TRHDE: variants seen among roughly 807,000 people sequenced by gnomAD.
TRHDE encodes the protein thyrotropin releasing hormone degrading enzyme.
In TRHDE, 72 loss-of-function variants were observed where a neutral mutation model predicts 125.7. The ratio of observed to expected loss-of-function variants is 0.57; its 90% confidence interval spans 0.47 to 0.70. TRHDE has a LOEUF of 0.70. Ranked by LOEUF, TRHDE falls within the 30% of genes least tolerant of loss-of-function variation. The pLI is 0.00. For missense variants in TRHDE, 1,110 were observed against 1,327.1 expected (o/e 0.84, Z 2.54); for synonymous variants, 509 against 509.1 (o/e 1.00, Z 0.00).
At chr12:72,491,271 G>T (rs920179876) in intron 5 of TRHDE, among the ~76,000 whole-genome samples, 3 of 151,800 alleles carry the variant, frequency 2.0e-5, no homozygotes, top group Non-Finnish European at 2.9e-5. Context: ...TTTGGGCCGC[G>T]AGAATCAGAA....
chr12:72,200,405 A>T (rs1877534760), intron 2 of TRHDE, among the ~76,000 whole-genome samples: 1 of 152,248 alleles, frequency 6.6e-6, no homozygotes, highest in South Asian at 2.1e-4. Context: ...TTAGTAAGTC[A>T]TCCAAAAGAT....
chr12:72,090,937 C>A (rs1251459339), intron 1 of TRHDE, among the ~76,000 whole-genome samples: 2 of 152,018 alleles, frequency 1.3e-5, no homozygotes, highest in Non-Finnish European at 2.9e-5. Flanking sequence ...GTGGCACAAT[C>A]ATAGCTCACT....
chr12:72,240,305 T>TTATATATATA lies in TRHDE; in HGVS notation n.279+134567_279+134576dup, dbSNP rs56969276. 1.8e-3 allele frequency among the ~76,000 whole-genome samples: 201 copies of TTATATATATA among 111,334 alleles called. 1 individual carries two copies. Among genetic ancestry groups the TTATATATATA allele is most frequent in the Admixed American group, 4.7e-3 (51 of 10,742 alleles). The allele number at this position is 111,334 out of a possible 152,430, so 73.0% of individuals were successfully genotyped here. On this transcript the variant is annotated intron_variant and non_coding_transcript_variant, in intron 2 of 4. Coordinates refer to the TRHDE transcript ENST00000548156. ...TTTCAGGGTATGTCCTTCTCACATT[T>TTATATATATA]TATATATATATATATATATATATTT... is the stretch of plus-strand genomic sequence containing the variant.
chr12:72,625,811 T>C (rs762614710), intron 15 of TRHDE, among the ~76,000 whole-genome samples: 5 of 151,930 alleles, frequency 3.3e-5, no homozygotes, highest in Non-Finnish European at 7.4e-5. Context: ...CTGTTGTATG[T>C]GGTTCTGTGG....
intron 6 of TRHDE, among the ~76,000 whole-genome samples, chr12:72,531,343 ATAAT>A (rs768415671): frequency 2.0e-5 from 3 of 152,090 alleles, no homozygotes; most frequent in Admixed American, 6.5e-5. Flanking sequence ...ATTCATTTTA[ATAAT>A]TAATTAATGA....
chr12:72,581,571 T>G (rs1871227994), intron 12 of TRHDE, among the ~76,000 whole-genome samples: 2 of 152,170 alleles, frequency 1.3e-5, no homozygotes, highest in Non-Finnish European at 2.9e-5. Context: ...CACGTGCATA[T>G]CTATTGTGTT....
chr12:72,158,563 G>T (rs1329281361), intron 2 of TRHDE, among the ~76,000 whole-genome samples: 1 of 151,842 alleles, frequency 6.6e-6, no homozygotes, highest in Non-Finnish European at 1.5e-5. Context: ...CATTTGGGTT[G>T]CCATTTATTA....
intron 6 of TRHDE, among the ~76,000 whole-genome samples, chr12:72,504,301 GA>G (rs1238521501): frequency 1.3e-5 from 2 of 149,934 alleles, no homozygotes; most frequent in African/African-American, 4.9e-5. Flanking sequence ...TTCTCACTAA[GA>G]AAATTTTTTT....
chr12:72,322,834 C>A (rs1869158684), intron 2 of TRHDE, among the ~76,000 whole-genome samples: 1 of 152,070 alleles, frequency 6.6e-6, no homozygotes, highest in Admixed American at 6.6e-5. Context: ...CTTCAGTTAT[C>A]CACATTTGTG....
chr12:72,401,746 A>G (rs1403323855), intron 3 of TRHDE, among the ~76,000 whole-genome samples: 1 of 152,212 alleles, frequency 6.6e-6, no homozygotes, highest in Non-Finnish European at 1.5e-5. Flanking sequence ...ATAGATGAGC[A>G]AGGAGGAACC....
chr12:72,597,618 A>G (rs1022318891), intron 12 of TRHDE, among the ~76,000 whole-genome samples: 5 of 146,898 alleles, frequency 3.4e-5, no homozygotes, highest in African/African-American at 1.3e-4. Flanking sequence ...GGCTGAGCCG[A>G]GATCACGCCA....
intron 6 of TRHDE, among the ~76,000 whole-genome samples, chr12:72,519,925 T>G (rs943931841): frequency 6.6e-6 from 1 of 152,196 alleles, no homozygotes; most frequent in Non-Finnish European, 1.5e-5. Flanking sequence ...AGTCTGCTGC[T>G]AGGGGGTGCC....
intron 2 of TRHDE, among the ~76,000 whole-genome samples, chr12:72,244,952 A>G (rs906641313): frequency 6.6e-6 from 1 of 152,148 alleles, no homozygotes; most frequent in Non-Finnish European, 1.5e-5. Context: ...ATTTATACTT[A>G]TATTAGAATT....
intron 3 of TRHDE, among the ~76,000 whole-genome samples, chr12:72,402,299 A>G (rs977200729): frequency 4.6e-5 from 7 of 152,076 alleles, no homozygotes; most frequent in Non-Finnish European, 1.0e-4. Context: ...AAAATCTCAT[A>G]ATGTTTTAAG....
chr12:72,345,510 T>G (rs1049887603), intron 2 of TRHDE, among the ~76,000 whole-genome samples: 3 of 152,162 alleles, frequency 2.0e-5, no homozygotes, highest in African/African-American at 7.2e-5. Context: ...CTAATTACCT[T>G]TGTTTTCAAT....
intron 15 of TRHDE, among the ~76,000 whole-genome samples, chr12:72,629,701 A>T (rs751556372): frequency 2.0e-5 from 3 of 151,756 alleles, no homozygotes; most frequent in Non-Finnish European, 4.4e-5. Flanking sequence ...AGTATGTTAT[A>T]CTGACAGATT....
chr12:72,183,516 A>G (rs1877138895), intron 2 of TRHDE, among the ~76,000 whole-genome samples: 1 of 152,216 alleles, frequency 6.6e-6, no homozygotes, highest in African/African-American at 2.4e-5. Context: ...TAAAATGGTC[A>G]AGTACAGACA....
At chr12:72,624,994 A>G (rs66495167) in intron 15 of TRHDE, among the ~76,000 whole-genome samples, 21,677 of 151,894 alleles carry the variant, frequency 0.14, 2,112 homozygotes, top group East Asian at 0.54. Flanking sequence ...CATTATAAAG[A>G]GAATAGAAAT....
intron 4 of TRHDE, among the ~76,000 whole-genome samples, chr12:72,471,876 A>G (rs1876665203): frequency 6.7e-6 from 1 of 150,274 alleles, no homozygotes; most frequent in Admixed American, 6.7e-5. Context: ...GCCTTTCTGG[A>G]CTCTTTCATG....
Sources: gnomAD v4.1 joint callset for allele counts (sites outside exome capture counted in the v4.1 genomes callset) on GRCh38, gnomAD v4.1.1 for gene constraint, MANE v1.5 for transcripts, NCBI Gene and HGNC (gene_info 2026-07-23, HGNC 2026-07-21) for gene names.